The following KCNMB2 variants were observed in gnomAD, a reference collection of about 807,000 sequenced individuals.
KCNMB2 encodes calcium-activated potassium channel subunit beta-2.
In KCNMB2, 9 loss-of-function variants were observed where a neutral mutation model predicts 24.5. That is an observed-to-expected ratio of 0.37 (90% CI 0.22 to 0.64). The LOEUF (loss-of-function observed/expected upper bound fraction) is 0.64. KCNMB2 is among the 30% of genes least tolerant of loss of function. The pLI is 0.63. For synonymous variants in KCNMB2, 109 were observed against 104.4 expected (o/e 1.04, Z -0.27); for missense variants, 226 against 284.3 (o/e 0.79, Z 1.47).
At chr3:178,633,807 T>A (rs1719417085) in intron 1 of KCNMB2, among the ~76,000 whole-genome samples, 1 of 152,260 alleles carries the variant, frequency 6.6e-6, no homozygotes, top group African/African-American at 2.4e-5. Flanking sequence ...TTCTATCACA[T>A]CATTAGACTG....
chr3:178,612,422 G>C (rs1432557310), intron 1 of KCNMB2, among the ~76,000 whole-genome samples: 1 of 152,150 alleles, frequency 6.6e-6, no homozygotes, highest in African/African-American at 2.4e-5. Flanking sequence ...GGGTGCTGCA[G>C]TGTTGGGTGC....
At chr3:178,560,990 T>C (rs1182131401) in intron 1 of KCNMB2, among the ~76,000 whole-genome samples, 2 of 152,196 alleles carry the variant, frequency 1.3e-5, no homozygotes, top group Non-Finnish European at 2.9e-5. Flanking sequence ...CAGCAGAGTA[T>C]CAGTTATCTG....
chr3:178,722,830 T>G (rs1722852346), intron 1 of KCNMB2, among the ~76,000 whole-genome samples: 2 of 151,494 alleles, frequency 1.3e-5, no homozygotes, highest in Admixed American at 1.3e-4. Context: ...GGGGCGGAGG[T>G]TGTTATGAGC....
At chr3:178,737,147 G>A (rs548237954) in intron 1 of KCNMB2, among the ~76,000 whole-genome samples, 1 of 152,254 alleles carries the variant, frequency 6.6e-6, no homozygotes, top group South Asian at 2.1e-4. Flanking sequence ...GTGCCCACCT[G>A]TAATCCCAAC....
chr3:178,809,613 A>G (rs1410597244), intron 2 of KCNMB2, among the ~76,000 whole-genome samples: 1 of 152,144 alleles, frequency 6.6e-6, no homozygotes, highest in Admixed American at 6.6e-5. Flanking sequence ...AAATATTTGG[A>G]GTGATAGTGA....
chr3:178,568,278 CA>C (rs1265475570), intron 1 of KCNMB2, among the ~76,000 whole-genome samples: 1 of 152,096 alleles, frequency 6.6e-6, no homozygotes, highest in East Asian at 1.9e-4. Flanking sequence ...AAAGCAAGTT[CA>C]TAAACGTCTC....
intron 1 of KCNMB2, among the ~76,000 whole-genome samples, chr3:178,758,673 G>GATATAT (rs1169653482): frequency 6.6e-5 from 2 of 30,268 alleles, no homozygotes; most frequent in African/African-American, 3.0e-4. Context: ...TCTCCAAGAG[G>GATATAT]ATATATATAT....
At chr3:178,652,354 A>C (rs1460512209) in intron 1 of KCNMB2, among the ~76,000 whole-genome samples, 1 of 152,110 alleles carries the variant, frequency 6.6e-6, no homozygotes, top group Non-Finnish European at 1.5e-5. Context: ...CATTAGGAGA[A>C]ATACCTAATG....
chr3:178,621,167 A>G (rs1198507845), intron 1 of KCNMB2, among the ~76,000 whole-genome samples: 1 of 152,184 alleles, frequency 6.6e-6, no homozygotes, highest in Non-Finnish European at 1.5e-5. Context: ...TTTAGGCCCA[A>G]AACAATAGAG....
intron 1 of KCNMB2, among the ~76,000 whole-genome samples, chr3:178,635,423 A>G (rs1719486650): frequency 6.6e-6 from 1 of 151,850 alleles, no homozygotes; most frequent in Non-Finnish European, 1.5e-5. Flanking sequence ...ACACACACAC[A>G]CACACACACA....
At chr3:178,631,090 G>A (rs1264483294) in intron 1 of KCNMB2, among the ~76,000 whole-genome samples, 1 of 152,118 alleles carries the variant, frequency 6.6e-6, no homozygotes, top group Admixed American at 6.5e-5. Flanking sequence ...TCTCCCTGAT[G>A]GAAGCTTATC....
chr3:178,745,533 T>C (rs908012749), intron 1 of KCNMB2, among the ~76,000 whole-genome samples: 2 of 152,136 alleles, frequency 1.3e-5, no homozygotes, highest in Admixed American at 1.3e-4. Flanking sequence ...TTTCATGTCC[T>C]CACATTTCAA....
At chr3:178,625,686 C>A (rs935623889) in intron 1 of KCNMB2, among the ~76,000 whole-genome samples, 1 of 152,166 alleles carries the variant, frequency 6.6e-6, no homozygotes, top group African/African-American at 2.4e-5. Context: ...CAAATACTAA[C>A]CCTTCACCTA....
chr3:178,562,603 A>T (rs1188527275), intron 1 of KCNMB2, among the ~76,000 whole-genome samples: 1 of 152,218 alleles, frequency 6.6e-6, no homozygotes, highest in East Asian at 1.9e-4. Context: ...GTGCAAGTGG[A>T]TTCTTTATTT....
At chr3:178,635,735 C>A (rs1719497649) in intron 1 of KCNMB2, among the ~76,000 whole-genome samples, 1 of 152,182 alleles carries the variant, frequency 6.6e-6, no homozygotes. Context: ...ACATACTAAT[C>A]ATTCACCACT....
At chr3:178,656,869 CAT>C (rs142088438) in intron 1 of KCNMB2, among the ~76,000 whole-genome samples, 12 of 152,166 alleles carry the variant, frequency 7.9e-5, no homozygotes, top group Non-Finnish European at 1.2e-4. Flanking sequence ...ACGATTAAAA[CAT>C]GTGTTTGTTG....
chr3:178,718,672 T>C (rs1722697297), intron 1 of KCNMB2, among the ~76,000 whole-genome samples: 1 of 152,226 alleles, frequency 6.6e-6, no homozygotes, highest in Admixed American at 6.5e-5. Context: ...AGACCATGTG[T>C]TGAGTCGGGA....
chr3:178,819,155 C>T (rs900507983), intron 2 of KCNMB2, among the ~76,000 whole-genome samples: 2 of 152,072 alleles, frequency 1.3e-5, no homozygotes, highest in Admixed American at 1.3e-4. Context: ...TTTCTTCTAC[C>T]ATCGATCCAC....
chr3:178,723,341 T>C (rs1252702100), intron 1 of KCNMB2, among the ~76,000 whole-genome samples: 1 of 152,214 alleles, frequency 6.6e-6, no homozygotes, highest in Non-Finnish European at 1.5e-5. Flanking sequence ...TTGAGTCTTA[T>C]AATTCATTAG....
Sources: allele counts gnomAD v4.1 joint callset (sites outside exome capture counted in the v4.1 genomes callset), GRCh38; gene constraint gnomAD v4.1.1; transcripts MANE v1.5; gene names NCBI Gene and HGNC (gene_info 2026-07-23, HGNC 2026-07-21).